The following PCDHGA7 variants were observed in gnomAD, a reference collection of about 807,000 sequenced individuals.
PCDHGA7 encodes the protein protocadherin gamma subfamily A, 7.
In PCDHGA7, 44 loss-of-function variants were observed where a neutral mutation model predicts 58.3. The ratio of observed to expected loss-of-function variants is 0.75; its 90% CI spans 0.59 to 0.97. The LOEUF is 0.97. Among genes scored for constraint, PCDHGA7 ranks in the 50% least tolerant of loss-of-function variants. The pLI is 0.00. For missense variants in PCDHGA7, 1,266 were observed against 1,188.7 expected (o/e 1.06, Z -0.96); for synonymous variants, 516 against 504.2 (o/e 1.02, Z -0.31).
intron 1 of PCDHGA7, chr5:141,417,772 C>G: frequency 6.9e-7 from 1 of 1,456,320 alleles, no homozygotes; most frequent in East Asian, 2.5e-5. Context: ...GGGACTCCTC[C>G]TGTCCTGGGC....
intron 1 of PCDHGA7, chr5:141,393,093 G>T: frequency 2.5e-6 from 4 of 1,613,620 alleles, no homozygotes; most frequent in Non-Finnish European, 3.4e-6. Context: ...AGATCGGGAG[G>T]AGCTCTGCGC....
In PCDHGA7 at chr5:141,432,071, A is replaced by G; in HGVS notation, c.2424+46748A>G. On this transcript the variant is annotated intron_variant, in intron 1 of 3. Transcript: ENST00000518325. The surrounding 1 kb of genome is among the most constrained non-coding windows in gnomAD (Gnocchi z 6.0). ...CCCGCCCCTATCCACGGAAACTCAT[A>G]TCTCGCTGAACGTGGCAGACACCAA... is the stretch of plus-strand genomic sequence containing the variant. 2 of 1,614,158 alleles carry G rather than the reference A, an allele frequency of 1.2e-6. No individual in the cohort carries two copies. The highest frequency in any genetic ancestry group is 1.7e-6 in the Non-Finnish European group (2 of 1,180,032).
chr5:141,415,435 C>G, intron 1 of PCDHGA7: 1 of 1,614,202 alleles, frequency 6.2e-7, no homozygotes. Flanking sequence ...TCGGGCTTTC[C>G]TGCAGACCTA....
chr5:141,415,740 GT>G (rs57426385), intron 1 of PCDHGA7: 12,894 of 617,008 alleles, frequency 0.021, 1 homozygote, highest in South Asian at 0.027. Flanking sequence ...GTTTATTAAG[GT>G]TTTTTTTTTT....
At chr5:141,461,190 T>C (rs2099010725) in intron 1 of PCDHGA7, among the ~76,000 whole-genome samples, 1 of 152,142 alleles carries the variant, frequency 6.6e-6, no homozygotes, top group Non-Finnish European at 1.5e-5. Context: ...TAGATCTGTT[T>C]TTTGCTCTTT....
In PCDHGA7 at chr5:141,476,432, G is replaced by A. The variant is rs139089802; in HGVS notation, c.2425-18375G>A. 15 of 1,614,116 alleles carry A rather than the reference G, an allele frequency of 9.3e-6. No individual in the cohort carries two copies. The East Asian group carries it at 3.3e-4, about 36-fold the overall frequency. Reference sequence around the variant, plus strand: ...GTGTGGGACACTGCCCTCTTGCACTGTAACTCTGGAGTTGGTAGTGGAGAA... The same window carrying A: ...GTGTGGGACACTGCCCTCTTGCACTATAACTCTGGAGTTGGTAGTGGAGAA... On this transcript the variant is annotated intron_variant, in intron 1 of 3. Coordinates refer to ENST00000518325, the MANE Select transcript of PCDHGA7 (RefSeq NM_018920.4). The surrounding 1 kb of genome is among the most constrained non-coding windows in gnomAD (Gnocchi z 7.6).
chr5:141,423,119 G>A (rs769320490), intron 1 of PCDHGA7: 1 of 1,613,774 alleles, frequency 6.2e-7, no homozygotes, highest in South Asian at 1.1e-5. Context: ...CGTACAGCGC[G>A]GGCACTGCTG....
intron 1 of PCDHGA7, chr5:141,418,077 T>C (rs770464447): frequency 6.8e-6 from 11 of 1,613,914 alleles, no homozygotes; most frequent in Non-Finnish European, 8.5e-6. Flanking sequence ...GCGGAGAAGC[T>C]GCACTTCAGC....
rs1375291090 is a variant in PCDHGA7, at chr5:141,392,672, T to A, written c.2424+7349T>A. 5.7e-6 allele frequency: 5 copies of A among 880,364 alleles called. No homozygotes were observed. In the Admixed American group the frequency reaches 1.3e-4, roughly 22 times the overall value. 54.5% of individuals were successfully genotyped at this position (880,364 alleles called of 1,614,324 possible). A position where few individuals can be genotyped will look rare whatever the true frequency, so the allele number is the denominator to read the frequency against. Reference sequence around the variant, plus strand: ...CCCGCAGATGCCACAAACTAACTGCTGGACTGCAGCGAAACCCGACCCCTG... The same window carrying A: ...CCCGCAGATGCCACAAACTAACTGCAGGACTGCAGCGAAACCCGACCCCTG... On this transcript the variant is annotated intron_variant, in intron 1 of 3. Transcript: ENST00000518325.
intron 1 of PCDHGA7, among the ~76,000 whole-genome samples, chr5:141,450,005 TC>T (rs2098662434): frequency 1.0e-5 from 1 of 99,604 alleles, no homozygotes; most frequent in Non-Finnish European, 1.8e-5. Flanking sequence ...TTGCCATGTC[TC>T]TTTTTTTTTT....
At chr5:141,463,301 A>G (rs1277348576) in intron 1 of PCDHGA7, among the ~76,000 whole-genome samples, 2 of 151,638 alleles carry the variant, frequency 1.3e-5, no homozygotes, top group South Asian at 2.1e-4. Flanking sequence ...AATCTCCCCA[A>G]ACTCTAATAT....
Position 141,404,830 on chromosome 5 carries a change from G to A in PCDHGA7, c.2424+19507G>A, listed in dbSNP as rs775106144. The A allele has an allele frequency of 3.7e-6, 6 of 1,613,932 alleles. No individual in the cohort carries two copies. In the East Asian group the frequency reaches 1.3e-4, roughly 36 times the overall value. ...CGGTGGGGCTGCACACAGGTGAAGT[G>A]CGCACAGCTCGGGCCCTGCTAGATA... On this transcript the variant is annotated intron_variant, in intron 1 of 3. Coordinates refer to ENST00000518325, the MANE Select transcript of PCDHGA7 (RefSeq NM_018920.4).
At chr5:141,482,561 T>C (rs1411268228) in intron 1 of PCDHGA7, among the ~76,000 whole-genome samples, 3 of 136,978 alleles carry the variant, frequency 2.2e-5, no homozygotes, top group African/African-American at 8.6e-5. Flanking sequence ...ATAATGGAGA[T>C]CTGCATAGCA....
intron 2 of PCDHGA7, among the ~76,000 whole-genome samples, chr5:141,505,119 G>A (rs371973470): frequency 3.1e-4 from 47 of 152,210 alleles, no homozygotes; most frequent in African/African-American, 1.0e-3. Flanking sequence ...CCAAGATCGC[G>A]CCACTGCACT....
intron 1 of PCDHGA7, among the ~76,000 whole-genome samples, chr5:141,456,714 C>T (rs1456452530): frequency 6.6e-6 from 1 of 152,176 alleles, no homozygotes; most frequent in Non-Finnish European, 1.5e-5. Flanking sequence ...CCTGTAATCC[C>T]AGCACTTTGG....
Position 141,439,149 on chromosome 5 carries a change from C to T in PCDHGA7, c.2424+53826C>T, listed in dbSNP as rs543388568. Reference sequence around the variant, plus strand: ...CAGAGGTTGCAGTGAGCTGAGATCACGCCACTGCACTCCAGCCTGGGCGAC... The same window carrying T: ...CAGAGGTTGCAGTGAGCTGAGATCATGCCACTGCACTCCAGCCTGGGCGAC... On this transcript the variant is annotated intron_variant, in intron 1 of 3. Transcript: ENST00000518325. Among the ~76,000 whole-genome samples, 165 of 150,018 alleles carry T rather than the reference C, an allele frequency of 1.1e-3. 1 individual carries two copies. In the Middle Eastern group the frequency reaches 0.017, roughly 16 times the overall value.
chr5:141,441,865 G>T, intron 1 of PCDHGA7: 1 of 345,726 alleles, frequency 2.9e-6, no homozygotes. Context: ...GCACGCCGCG[G>T]AGCCTGGCTA....
At chr5:141,433,487 C>T (rs1052153936) in intron 1 of PCDHGA7, among the ~76,000 whole-genome samples, 3 of 152,094 alleles carry the variant, frequency 2.0e-5, no homozygotes, top group African/African-American at 7.2e-5. Context: ...TCCTGCTTCT[C>T]CCTCCCAAAC....
intron 1 of PCDHGA7, chr5:141,394,165 C>G (rs1228690548): frequency 6.2e-7 from 1 of 1,613,930 alleles, no homozygotes; most frequent in African/African-American, 1.3e-5. Flanking sequence ...AACCCTCCTA[C>G]TTTCCCTCAT....
Sources: allele counts gnomAD v4.1 joint callset (sites outside exome capture counted in the v4.1 genomes callset), GRCh38; gene constraint gnomAD v4.1.1; non-coding constraint Gnocchi (gnomAD v3.1); transcripts MANE v1.5; gene names NCBI Gene and HGNC (gene_info 2026-07-23, HGNC 2026-07-21).